SECISBP2L: variants seen among roughly 807,000 people sequenced by gnomAD.
SECISBP2L encodes the protein selenocysteine insertion sequence-binding protein 2-like.
In SECISBP2L, 43 loss-of-function variants were observed where a neutral mutation model predicts 114.7. The observed-to-expected ratio is 0.38, with a 90% confidence interval of 0.29 to 0.48. SECISBP2L has a LOEUF of 0.48. Ranked by LOEUF, SECISBP2L falls within the 20% of genes least tolerant of loss-of-function variation. SECISBP2L has a pLI of 0.98. For missense variants in SECISBP2L, 1,136 were observed against 1,301.1 expected, an observed-to-expected ratio of 0.87 and a Z score of 1.95; for synonymous variants, 451 against 439.7, an observed-to-expected ratio of 1.03 and a Z score of -0.32.
chr15:49,027,604 C>CT (rs1299026344), intron 6 of SECISBP2L, 124 bp from the exon 7 acceptor site: 163 of 469,058 alleles, frequency 3.5e-4, no homozygotes, highest in Non-Finnish European at 4.0e-4. Flanking sequence ...TTCTATAAAC[C>CT]TTATTATTTT....
intron 15 of SECISBP2L, 46 bp from the exon 16 acceptor site, chr15:49,000,033 G>A: frequency 6.3e-7 from 1 of 1,599,310 alleles, no homozygotes. Context: ...TTGCCTACAT[G>A]GAGCTAATTG....
chr15:49,019,487 T>A lies in SECISBP2L; in HGVS notation c.1101A>T (p.Pro367=). The A allele has an allele frequency of 6.6e-7, 1 of 1,512,770 alleles. No homozygotes were observed. The highest frequency in any genetic ancestry group is 1.2e-5 in the South Asian group (1 of 80,188). The allele number at this position is 1,512,770 out of a possible 1,614,324, so 93.7% of individuals were successfully genotyped here. The part of the protein sequence containing the change: ...SERRQNLQKR[P]DNKHLSSSQS... ...GACTAGAGCTTAAATGCTTATTATCTGGTCTCTTTTGCAAATTCTGTCTTC... is the reference window on the plus strand; with the variant it reads ...GACTAGAGCTTAAATGCTTATTATCAGGTCTCTTTTGCAAATTCTGTCTTC... Residue 367 remains proline (P), a synonymous_variant, in exon 8 of 18, where the codon CCA becomes CCT. Transcript: ENST00000559471.
chr15:49,003,428 A>C (rs912629261), intron 14 of SECISBP2L, among the ~76,000 whole-genome samples: 13 of 152,138 alleles, frequency 8.5e-5, no homozygotes, highest in Non-Finnish European at 1.2e-4. Flanking sequence ...AATACCCTTT[A>C]TTTCTTTCTC....
intron 14 of SECISBP2L, among the ~76,000 whole-genome samples, chr15:49,008,106 C>T (rs1902360028): frequency 6.6e-6 from 1 of 152,140 alleles, no homozygotes; most frequent in South Asian, 2.1e-4. Context: ...GTAATCACCC[C>T]TCATGTCTAC....
chr15:49,028,992 G>A (rs762444150), intron 4 of SECISBP2L, among the ~76,000 whole-genome samples: 10 of 151,902 alleles, frequency 6.6e-5, no homozygotes, highest in Non-Finnish European at 1.5e-4. Context: ...CCAAGTAGCC[G>A]GGACTACAGG....
chr15:49,018,423 AC>A (rs1902580113), intron 8 of SECISBP2L, among the ~76,000 whole-genome samples: 1 of 151,924 alleles, frequency 6.6e-6, no homozygotes, highest in African/African-American at 2.4e-5. Flanking sequence ...TGCCCAGTTA[AC>A]TTTTTGTATT....
Position 49,017,533 on chromosome 15 carries a change from TAA to T in SECISBP2L, c.1251+13_1251+14del, listed in dbSNP as rs1481197210. The T allele has an allele frequency of 1.3e-6, 2 of 1,521,920 alleles. No individual in the cohort carries two copies. Among genetic ancestry groups the T allele is most frequent in the Non-Finnish European group, 9.0e-7 (1 of 1,107,990 alleles). The allele number at this position is 1,521,920 out of a possible 1,614,324, so 94.3% of individuals were successfully genotyped here. On this transcript the variant is annotated intron_variant, in intron 9 of 17. Transcript: ENST00000559471. ...AGATGTTATATTTTGCTTTTCTTTT[TAA>T]AGAGTTACTTACTACTTTAGAAGAA...
chr15:49,022,569 T>G (rs192259582), intron 7 of SECISBP2L, among the ~76,000 whole-genome samples: 51 of 151,484 alleles, frequency 3.4e-4, no homozygotes, highest in Non-Finnish European at 5.1e-4. Flanking sequence ...GCCACTGTAC[T>G]CCAGCCTGGG....
At chr15:49,039,208 T>C (rs1903070551) in intron 1 of SECISBP2L, among the ~76,000 whole-genome samples, 2 of 152,142 alleles carry the variant, frequency 1.3e-5, no homozygotes, top group African/African-American at 4.8e-5. Context: ...ATAATAATAA[T>C]ACAAATATTA....
chr15:49,026,320 G>C (rs933262398), intron 7 of SECISBP2L, among the ~76,000 whole-genome samples: 1 of 152,150 alleles, frequency 6.6e-6, no homozygotes, highest in Non-Finnish European at 1.5e-5. Flanking sequence ...CTGGTAGAGT[G>C]ACTACAGTTA....
intron 2 of SECISBP2L, 108 bp from the exon 3 acceptor site, chr15:49,035,766 T>A: frequency 9.7e-7 from 1 of 1,029,112 alleles, no homozygotes; most frequent in Non-Finnish European, 1.4e-6. Flanking sequence ...AACAGTGGCT[T>A]CATGATAATT....
At position 49,028,484 on chromosome 15, in the gene SECISBP2L, G is replaced by T; in HGVS notation, c.863C>A (p.Ala288Asp). ...GGTCCCAGAATCAGGATTTCTCAAA[G>T]CCCCTGCTGCAGGCTGGTTGTTGCT... The part of the protein sequence containing the change: ...KHSNNQPAAG[A>D]LRNPDSGTMN... The change falls in exon 5 of 18, where the codon GCT (alanine) becomes GAT (aspartate). Residue 288 changes from alanine to aspartate, a missense_variant. Transcript: ENST00000559471. 2.5e-6 allele frequency: 4 copies of T among 1,614,088 alleles called. No homozygotes were observed. Among genetic ancestry groups the T allele is most frequent in the South Asian group, 2.2e-5 (2 of 91,070 alleles).
chr15:49,032,191 TAC>T (rs1278583029), intron 4 of SECISBP2L, among the ~76,000 whole-genome samples: 1 of 152,188 alleles, frequency 6.6e-6, no homozygotes, highest in Non-Finnish European at 1.5e-5. Context: ...ATGGAGGCTG[TAC>T]AGAGATAAAA....
chr15:49,009,460 T>G, intron 13 of SECISBP2L, 82 bp from the exon 14 acceptor site: 1 of 1,399,106 alleles, frequency 7.1e-7, no homozygotes, highest in South Asian at 1.4e-5. Flanking sequence ...CAATTTAGAA[T>G]GGCCATTGTC....
At chr15:49,007,416 C>T (rs1477756381) in intron 14 of SECISBP2L, among the ~76,000 whole-genome samples, 3 of 152,226 alleles carry the variant, frequency 2.0e-5, no homozygotes, top group Admixed American at 2.0e-4. Flanking sequence ...CCCCAAGATG[C>T]TCTGTCCCAG....
intron 15 of SECISBP2L, 68 bp from the exon 16 acceptor site, chr15:49,000,055 G>A: frequency 2.6e-6 from 4 of 1,537,218 alleles, no homozygotes; most frequent in Non-Finnish European, 3.6e-6. Flanking sequence ...ACACCCGATA[G>A]CTAAAGCATA....
intron 14 of SECISBP2L, 59 bp from the exon 15 acceptor site, chr15:49,001,156 A>C: frequency 9.4e-7 from 1 of 1,069,244 alleles, no homozygotes. Flanking sequence ...ATAGTTATAA[A>C]ACTGCATTAA....
At chr15:49,045,464 G>A (rs990950861) in intron 1 of SECISBP2L, among the ~76,000 whole-genome samples, 6 of 152,240 alleles carry the variant, frequency 3.9e-5, no homozygotes, top group African/African-American at 1.4e-4. Flanking sequence ...AAATTAAGTC[G>A]TTTCGCAGAG....
intron 5 of SECISBP2L, 116 bp from the exon 6 acceptor site, chr15:49,028,284 A>T: frequency 1.0e-6 from 1 of 987,880 alleles, no homozygotes; most frequent in Non-Finnish European, 1.5e-6. Flanking sequence ...ATATTATCAT[A>T]CTTCTTCATA....
Sources: gnomAD v4.1 joint callset for allele counts (sites outside exome capture counted in the v4.1 genomes callset) on GRCh38, gnomAD v4.1.1 for gene constraint, MANE v1.5 for transcripts, NCBI Gene and HGNC (gene_info 2026-07-23, HGNC 2026-07-21) for gene names.